PDGFRA: variants seen among roughly 807,000 people sequenced by gnomAD.
PDGFRA encodes platelet derived growth factor receptor alpha, also known as platelet-derived growth factor receptor alpha.
PDGFRA carries 25 observed loss-of-function variants against 121.5 expected under a neutral mutation model. The observed-to-expected ratio is 0.21, with a 90% CI of 0.15 to 0.29. PDGFRA has a LOEUF of 0.29. Ranked by LOEUF, PDGFRA falls within the 10% of genes least tolerant of loss-of-function variation. PDGFRA has a pLI of 1.00. For synonymous variants in PDGFRA, 463 were observed against 494.8 expected (o/e 0.94, Z 0.85); for missense variants, 1,008 against 1,345.1 (o/e 0.75, Z 3.92).
rs552950826 is a variant in PDGFRA, at chr4:54,295,306, G to A, written c.*34G>A. The A allele has an allele frequency of 1.2e-6, 2 of 1,610,878 alleles. No homozygotes were observed. The highest frequency in any genetic ancestry group is 4.5e-5 in the East Asian group (2 of 44,868). ...TTCGAGGGGTTCCTTCCACTTCTGG[G>A]GCCACCTCTGGATCCCGTTCAGAAA... is the stretch of plus-strand genomic sequence containing the variant. On this transcript the variant is annotated 3_prime_UTR_variant, in exon 23 of 23. Coordinates refer to ENST00000257290, the MANE Select transcript of PDGFRA (RefSeq NM_006206.6).
intron 1 of PDGFRA, among the ~76,000 whole-genome samples, chr4:54,247,950 A>T (rs538561114): frequency 0.038 from 5,803 of 152,252 alleles, 370 homozygotes; most frequent in African/African-American, 0.13. Flanking sequence ...CCAAATCGTG[A>T]GTGAACTCCC....
intron 1 of PDGFRA, among the ~76,000 whole-genome samples, chr4:54,239,480 A>T (rs1306225796): frequency 1.3e-5 from 2 of 152,206 alleles, no homozygotes; most frequent in African/African-American, 4.8e-5. Flanking sequence ...TTTGAGTTCC[A>T]CCCTATGACA....
At position 54,297,358 on chromosome 4, in the gene PDGFRA, T is replaced by C; in HGVS notation, c.*2086T>C. 4.3e-6 allele frequency: 1 copy of C among 233,722 alleles called. No individual in the cohort carries two copies. The highest frequency in any genetic ancestry group is 8.5e-6 in the Non-Finnish European group (1 of 118,062). The allele number at this position is 233,722 out of a possible 1,614,324, so 14.5% of individuals were successfully genotyped here. A position where few individuals can be genotyped will look rare whatever the true frequency, so the allele number is the denominator to read the frequency against. ...ATCTCAATGCAAGCCCCAACTTTCT[T>C]ATCCAACTTTTTCATAGTAAGTGCG... On this transcript the variant is annotated 3_prime_UTR_variant, in exon 23 of 23. Coordinates refer to ENST00000257290, the MANE Select transcript of PDGFRA (RefSeq NM_006206.6).
intron 3 of PDGFRA, among the ~76,000 whole-genome samples, chr4:54,261,932 T>TATATATA (rs1553902514): frequency 2.8e-5 from 1 of 35,534 alleles, no homozygotes; most frequent in African/African-American, 1.1e-4. Flanking sequence ...TATATATATA[T>TATATATA]TTTTTTTTTT....
intron 1 of PDGFRA, among the ~76,000 whole-genome samples, chr4:54,238,254 G>T (rs1263409748): frequency 6.6e-6 from 1 of 152,134 alleles, no homozygotes; most frequent in Non-Finnish European, 1.5e-5. Context: ...CCTTACGGTA[G>T]AAATACATGA....
At chr4:54,250,864 A>G (rs1302813146) in intron 1 of PDGFRA, among the ~76,000 whole-genome samples, 2 of 152,116 alleles carry the variant, frequency 1.3e-5, no homozygotes, top group Non-Finnish European at 2.9e-5. Flanking sequence ...CAGGAGTTCA[A>G]GACTAGCTTG....
Position 54,272,580 on chromosome 4 carries a change from A to G in PDGFRA, c.1364+60A>G, listed in dbSNP as rs927093773. The G allele has an allele frequency of 5.8e-6, 9 of 1,550,728 alleles. No homozygotes were observed. The African/African-American group carries it at 9.5e-5, about 16-fold the overall frequency. On this transcript the variant is annotated intron_variant, in intron 9 of 22. Transcript: ENST00000257290. Reference sequence around the variant, plus strand: ...TCAGAATATTTCTCCCTTGACACAAATGATGTCAAATACATTTTACTTATT... The same window carrying G: ...TCAGAATATTTCTCCCTTGACACAAGTGATGTCAAATACATTTTACTTATT...
intron 2 of PDGFRA, among the ~76,000 whole-genome samples, chr4:54,260,168 T>C (rs964088407): frequency 2.0e-5 from 3 of 152,200 alleles, no homozygotes; most frequent in African/African-American, 7.2e-5. Flanking sequence ...CCGTATCATC[T>C]GGCACCACTG....
Position 54,296,033 on chromosome 4 carries a change from G to T in PDGFRA, c.*761G>T, listed in dbSNP as rs1481430523. 5 of 232,302 alleles carry T rather than the reference G, an allele frequency of 2.2e-5. No individual in the cohort carries two copies. Among genetic ancestry groups the T allele is most frequent in the African/African-American group, 1.1e-4 (5 of 45,294 alleles). The allele number at this position is 232,302 out of a possible 1,614,324, so 14.4% of individuals were successfully genotyped here. On this transcript the variant is annotated 3_prime_UTR_variant, in exon 23 of 23. Transcript: ENST00000257290. ...ACAATCCTTACTAAGTAGGTGATGA[G>T]TTTGACAGTTTTTGACATTTATATT...
intron 12 of PDGFRA, 190 bp from the exon 13 acceptor site, chr4:54,277,198 C>T: frequency 1.5e-6 from 1 of 645,468 alleles, no homozygotes; most frequent in Non-Finnish European, 2.8e-6. Flanking sequence ...TCGACAAAAG[C>T]AATTATGCTA....
intron 22 of PDGFRA, among the ~76,000 whole-genome samples, chr4:54,293,817 A>G (rs1724746705): frequency 6.6e-6 from 1 of 151,988 alleles, no homozygotes; most frequent in African/African-American, 2.4e-5. Flanking sequence ...GGAGGAGACC[A>G]TGCCCCAGTT....
chr4:54,270,387 C>T (rs1244351117), intron 7 of PDGFRA, among the ~76,000 whole-genome samples: 1 of 152,132 alleles, frequency 6.6e-6, no homozygotes, highest in African/African-American at 2.4e-5. Context: ...GAACTGATAG[C>T]TCTTGGAGAT....
chr4:54,270,684 T>G lies in PDGFRA; in HGVS notation c.1173T>G (p.His391Gln), dbSNP rs1553903746. 6.2e-7 allele frequency: 1 copy of G among 1,612,426 alleles called. No individual in the cohort carries two copies. Among genetic ancestry groups the G allele is most frequent in the Non-Finnish European group, 8.5e-7 (1 of 1,178,552 alleles). ...LIRAKEEDSGHYTIVAQNEDA... is the reference protein window; with the variant it reads ...LIRAKEEDSGQYTIVAQNEDA... ...GTGCTAAGGAAGAAGACAGTGGCCATTATACTATTGTAGCTCAAAATGAAG... is the reference window on the plus strand; with the variant it reads ...GTGCTAAGGAAGAAGACAGTGGCCAGTATACTATTGTAGCTCAAAATGAAG... Residue 391 changes from histidine (H) to glutamine (Q), a missense_variant, in exon 8 of 23, where the codon CAT (histidine) becomes CAG (glutamine). Physicochemically the swap from His to Gln is conservative, Grantham distance 24. Coordinates refer to ENST00000257290, the MANE Select transcript of PDGFRA (RefSeq NM_006206.6).
chr4:54,247,126 A>G (rs953739367), intron 1 of PDGFRA, among the ~76,000 whole-genome samples: 3 of 152,222 alleles, frequency 2.0e-5, no homozygotes, highest in Non-Finnish European at 4.4e-5. Flanking sequence ...TCACAGCCGA[A>G]TTCTACCAGA....
intron 9 of PDGFRA, 95 bp downstream of exon 9, chr4:54,272,615 A>G (rs950646875): frequency 5.6e-6 from 8 of 1,434,512 alleles, no homozygotes; most frequent in Admixed American, 3.4e-5. Context: ...TGACTATAAG[A>G]TAGGGTTTTG....
chr4:54,234,180 A>G (rs538441270), intron 1 of PDGFRA, among the ~76,000 whole-genome samples: 9 of 152,256 alleles, frequency 5.9e-5, no homozygotes, highest in African/African-American at 2.2e-4. Flanking sequence ...GGGGATGATG[A>G]TGGGGATGAT....
Position 54,250,518 on chromosome 4 carries a change from A to G in PDGFRA, c.-12-8239A>G, listed in dbSNP as rs1398166323. On this transcript the variant is annotated intron_variant, in intron 1 of 22. Transcript: ENST00000257290. ...ATGTGTTATTGGTATATGTTCCAAA[A>G]TTATGCAAAACTCCTATAATTCTGA... is the stretch of plus-strand genomic sequence containing the variant. 3.9e-5 allele frequency among the ~76,000 whole-genome samples: 6 copies of G among 152,232 alleles called. 1 individual carries two copies. The highest frequency in any genetic ancestry group is 2.0e-4 in the Admixed American group (3 of 15,282).
Position 54,240,443 on chromosome 4 carries a change from C to T in PDGFRA, c.-13+11028C>T, listed in dbSNP as rs139327697. ...TTGTTAGCTGATACTCTGGGCTTTT[C>T]GGCATTTGGATGCTCCAGGGTGTTT... On this transcript the variant is annotated intron_variant, in intron 1 of 22. Coordinates refer to ENST00000257290, the MANE Select transcript of PDGFRA (RefSeq NM_006206.6). Among the ~76,000 whole-genome samples, 178 of 152,270 alleles carry T rather than the reference C, an allele frequency of 1.2e-3. 13 individuals are homozygous for T. The highest frequency in any genetic ancestry group is 4.1e-4 in the Non-Finnish European group (28 of 68,028).
chr4:54,289,143 C>G (rs377548791), intron 21 of PDGFRA, 29 bp downstream of exon 21: 7 of 1,226,710 alleles, frequency 5.7e-6, no homozygotes, highest in African/African-American at 3.0e-5. Flanking sequence ...GTGGAAAGGT[C>G]TGGATAAAGC....
Sources: gnomAD v4.1 joint callset for allele counts (sites outside exome capture counted in the v4.1 genomes callset) on GRCh38, gnomAD v4.1.1 for gene constraint, MANE v1.5 for transcripts, NCBI Gene and HGNC (gene_info 2026-07-23, HGNC 2026-07-21) for gene names.